HBS1L: variants seen among roughly 807,000 people sequenced by gnomAD.
HBS1L encodes the protein HBS1-like protein.
A neutral mutation model predicts 88.9 loss-of-function variants in HBS1L; 55 were observed. The observed-to-expected ratio is 0.62, with a 90% CI of 0.50 to 0.77. The LOEUF (loss-of-function observed/expected upper bound fraction) is 0.77, where lower values mean the gene tolerates loss of function less well. Among genes scored for constraint, HBS1L ranks in the 30% least tolerant of loss-of-function variants. The pLI is 0.00. For missense variants in HBS1L, 741 were observed against 829.3 expected (o/e 0.89, Z 1.31); for synonymous variants, 267 against 288.5 (o/e 0.93, Z 0.76).
chr6:135,039,825 A>C, intron 3 of HBS1L, 58 bp from the exon 4 acceptor site: 1 of 1,414,934 alleles, frequency 7.1e-7, no homozygotes, highest in Non-Finnish European at 9.6e-7. Context: ...AAGAACTTTT[A>C]ATCTTCAAAA....
At chr6:134,980,301 A>C (rs1310145987) in intron 13 of HBS1L, among the ~76,000 whole-genome samples, 4 of 152,048 alleles carry the variant, frequency 2.6e-5, no homozygotes, top group African/African-American at 4.8e-5. Flanking sequence ...CTAGAGTTTC[A>C]TGCAAAATAT....
chr6:135,049,792 G>A (rs796534245), intron 2 of HBS1L, among the ~76,000 whole-genome samples: 10 of 152,212 alleles, frequency 6.6e-5, no homozygotes, highest in East Asian at 1.9e-4. Context: ...GGCTGGTCTC[G>A]AACTCCTGAC....
intron 1 of HBS1L, among the ~76,000 whole-genome samples, chr6:135,051,886 T>C (rs1365699178): frequency 2.6e-5 from 4 of 152,188 alleles, no homozygotes; most frequent in African/African-American, 9.7e-5. Context: ...AGTGAACACA[T>C]TTCCAGTTAT....
At chr6:134,994,174 T>C (rs1390139775) in intron 7 of HBS1L, among the ~76,000 whole-genome samples, 3 of 152,028 alleles carry the variant, frequency 2.0e-5, no homozygotes, top group Non-Finnish European at 4.4e-5. Flanking sequence ...GAAGGATACA[T>C]GGGGACAACT....
At chr6:135,032,196 A>G (rs1776406058) in intron 4 of HBS1L, among the ~76,000 whole-genome samples, 1 of 152,054 alleles carries the variant, frequency 6.6e-6, no homozygotes, top group Non-Finnish European at 1.5e-5. Flanking sequence ...CAGTACTTTC[A>G]GCATAAATGA....
At chr6:135,050,815 G>A (rs1213313830) in intron 1 of HBS1L, among the ~76,000 whole-genome samples, 168 bp from the exon 2 acceptor site, 1 of 152,104 alleles carries the variant, frequency 6.6e-6, no homozygotes, top group African/African-American at 2.4e-5. Context: ...CCACAAAATA[G>A]GTTATTTACT....
intron 16 of HBS1L, among the ~76,000 whole-genome samples, chr6:134,967,566 G>A (rs1774351566): frequency 6.6e-6 from 1 of 152,108 alleles, no homozygotes; most frequent in East Asian, 1.9e-4. Context: ...AAGATGACAG[G>A]GAACACAAAC....
At position 134,968,458 on chromosome 6, in the gene HBS1L, A is replaced by T. The variant is rs191915691; in HGVS notation, c.1898+780T>A. ...GAGACGGGGTTTCGCCATGTTGGCCAAGCTGGTCTCAAACTCCAGACCTCA... is the reference window on the plus strand; with the variant it reads ...GAGACGGGGTTTCGCCATGTTGGCCTAGCTGGTCTCAAACTCCAGACCTCA... On this transcript the variant is annotated intron_variant, in intron 16 of 17. Coordinates refer to ENST00000367837, the MANE Select transcript of HBS1L (RefSeq NM_006620.4). Among the ~76,000 whole-genome samples, 14 of 152,242 alleles carry T rather than the reference A, an allele frequency of 9.2e-5. No individual in the cohort carries two copies. In the East Asian group the frequency reaches 2.7e-3, roughly 29 times the overall value.
At chr6:134,984,943 A>G (rs1478298624) in intron 12 of HBS1L, among the ~76,000 whole-genome samples, 1 of 152,148 alleles carries the variant, frequency 6.6e-6, no homozygotes, top group African/African-American at 2.4e-5. Context: ...AAGTAAAGAG[A>G]AAGAACAATA....
intron 4 of HBS1L, among the ~76,000 whole-genome samples, chr6:135,020,778 C>G (rs1168398954): frequency 6.6e-6 from 1 of 151,802 alleles, no homozygotes; most frequent in Non-Finnish European, 1.5e-5. Flanking sequence ...AATTGAAAGA[C>G]TTAAGTTCCT....
At chr6:134,969,598 T>A (rs1774423915) in intron 15 of HBS1L, among the ~76,000 whole-genome samples, 1 of 152,196 alleles carries the variant, frequency 6.6e-6, no homozygotes, top group Non-Finnish European at 1.5e-5. Flanking sequence ...ACCTGTCAGC[T>A]TTTTCCTCTG....
At chr6:134,992,684 C>T (rs537832025) in intron 8 of HBS1L, among the ~76,000 whole-genome samples, 8 of 151,592 alleles carry the variant, frequency 5.3e-5, no homozygotes, top group Non-Finnish European at 8.8e-5. Context: ...AGCTGTACAA[C>T]GTTTGTGCTT....
rs1230691982 is a variant in HBS1L at position 135,034,277 on chromosome 6, T to C, written c.430+5296A>G. Among the ~76,000 whole-genome samples, 3 of 152,088 alleles carry C rather than the reference T, an allele frequency of 2.0e-5. No individual in the cohort carries two copies. The East Asian group carries it at 5.8e-4, about 29-fold the overall frequency. On this transcript the variant is annotated intron_variant, in intron 4 of 17. Coordinates refer to ENST00000367837, the MANE Select transcript of HBS1L (RefSeq NM_006620.4). Reference sequence around the variant, plus strand: ...GAAACAAAAGTAATACAAAAAATTATCAAATGCACAGTAAAGTAGCTGCCA... The same window carrying C: ...GAAACAAAAGTAATACAAAAAATTACCAAATGCACAGTAAAGTAGCTGCCA...
chr6:135,021,628 T>G (rs1776074050), intron 4 of HBS1L, among the ~76,000 whole-genome samples: 1 of 152,124 alleles, frequency 6.6e-6, no homozygotes, highest in Non-Finnish European at 1.5e-5. Flanking sequence ...TCCTTGACAA[T>G]GGATTCAATT....
chr6:135,013,540 T>C (rs1167572190), intron 4 of HBS1L, among the ~76,000 whole-genome samples: 1 of 152,190 alleles, frequency 6.6e-6, no homozygotes, highest in African/African-American at 2.4e-5. Flanking sequence ...ACTGAAGGAA[T>C]TTAAGCGTTG....
At chr6:135,011,688 T>C (rs1775777980) in intron 4 of HBS1L, among the ~76,000 whole-genome samples, 1 of 152,118 alleles carries the variant, frequency 6.6e-6, no homozygotes, top group African/African-American at 2.4e-5. Context: ...GTGGATCACC[T>C]GAAGTCAGGA....
At chr6:134,993,206 T>G (rs1775194263) in intron 8 of HBS1L, among the ~76,000 whole-genome samples, 1 of 152,174 alleles carries the variant, frequency 6.6e-6, no homozygotes, top group South Asian at 2.1e-4. Context: ...AACAACTCAC[T>G]TCTCAGAATA....
At chr6:135,037,708 A>C in intron 4 of HBS1L, 1 of 1,551,090 alleles carries the variant, frequency 6.4e-7, no homozygotes, top group Non-Finnish European at 8.7e-7. Flanking sequence ...CAGACTTTCC[A>C]GACTGTCTGT....
Position 134,986,094 on chromosome 6 carries a change from A to G in HBS1L, c.1395T>C (p.Tyr465=). Residue 465 remains tyrosine, a synonymous_variant, in exon 11 of 18, where the codon TAT becomes TAC. Coordinates refer to ENST00000367837, the MANE Select transcript of HBS1L (RefSeq NM_006620.4). The stretch of plus-strand genomic sequence containing the variant: ...TTTGTTCTAATAAACATAGTCCTTT[A>G]TACCATTTTGTGAGTTCACTTGACT... ...RSQSSELTKW[Y]KGLCLLEQID... 1.3e-6 allele frequency: 2 copies of G among 1,559,670 alleles called. No homozygotes were observed. The highest frequency in any genetic ancestry group is 2.2e-5 in the South Asian group (2 of 89,494).
Sources: gnomAD v4.1 joint callset for allele counts (sites outside exome capture counted in the v4.1 genomes callset) on GRCh38, gnomAD v4.1.1 for gene constraint, MANE v1.5 for transcripts, NCBI Gene and HGNC (gene_info 2026-07-23, HGNC 2026-07-21) for gene names.